Variants in VTI1A observed in about 807,000 individuals in gnomAD.
VTI1A encodes the protein vesicle transport through interaction with t-SNAREs homolog 1A.
Under a neutral mutation model 34.9 loss-of-function variants are expected in VTI1A, and 22 were observed. The ratio of observed to expected loss-of-function variants is 0.63; its 90% CI spans 0.45 to 0.90. VTI1A has a LOEUF of 0.90. VTI1A is among the 40% of genes least tolerant of loss of function. The pLI, the probability that VTI1A is intolerant of heterozygous loss-of-function variation, is 0.00. For synonymous variants in VTI1A, 87 were observed against 97.3 expected, an observed-to-expected ratio of 0.89 and a Z score of 0.62; for missense variants, 268 against 275.6, an observed-to-expected ratio of 0.97 and a Z score of 0.20.
At chr10:112,701,096 G>A (rs2133900269) in intron 7 of VTI1A, among the ~76,000 whole-genome samples, 1 of 152,304 alleles carries the variant, frequency 6.6e-6, no homozygotes, top group South Asian at 2.1e-4. Context: ...TATATAATGA[G>A]GGATACCCTT....
intron 7 of VTI1A, among the ~76,000 whole-genome samples, chr10:112,776,859 G>A (rs968073799): frequency 6.6e-6 from 1 of 151,834 alleles, no homozygotes; most frequent in African/African-American, 2.4e-5. Flanking sequence ...TGTATTTTTA[G>A]TATAGACGGG....
chr10:112,553,352 A>G (rs916840874), intron 5 of VTI1A, among the ~76,000 whole-genome samples: 28 of 152,242 alleles, frequency 1.8e-4, no homozygotes, highest in African/African-American at 6.0e-4. Context: ...TCAAATGTAT[A>G]AAAATCCTTG....
In VTI1A at chr10:112,705,203, C is replaced by T. The variant is rs114755996; in HGVS notation, c.560+36205C>T. Among the ~76,000 whole-genome samples, 746 of 152,180 alleles carry T rather than the reference C, an allele frequency of 4.9e-3. 6 individuals carry two copies. Among genetic ancestry groups the T allele is most frequent in the African/African-American group, 0.017 (716 of 41,520 alleles). On this transcript the variant is annotated intron_variant, in intron 7 of 7. Coordinates refer to ENST00000393077, the MANE Select transcript of VTI1A (RefSeq NM_145206.4). The stretch of plus-strand genomic sequence containing the variant: ...AGTCATAAGCCACTGTGCCCAGCCC[C>T]TCTATTTTAGAATTTGAATTGGTCA...
intron 7 of VTI1A, among the ~76,000 whole-genome samples, chr10:112,789,973 G>T: frequency 4.9e-5 from 7 of 141,466 alleles, no homozygotes; most frequent in African/African-American, 1.0e-4. Context: ...TTTGGTGGTT[G>T]TTATCATGTC....
rs575875540 is a variant in VTI1A at position 112,793,173 on chromosome 10, G to A, written c.561-22117G>A. Among the ~76,000 whole-genome samples, 25 of 152,300 alleles carry A rather than the reference G, an allele frequency of 1.6e-4. No homozygotes were observed. The South Asian group carries it at 2.5e-3, about 15-fold the overall frequency. Reference sequence around the variant, plus strand: ...GAGTAAGCGGATTATTTCAGACAGCGTTAGGAGGTAACCGGAGGAAGATTA... The same window carrying A: ...GAGTAAGCGGATTATTTCAGACAGCATTAGGAGGTAACCGGAGGAAGATTA... On this transcript the variant is annotated intron_variant, in intron 7 of 7. Transcript: ENST00000393077.
chr10:112,812,977 T>C (rs1281480580), intron 7 of VTI1A, among the ~76,000 whole-genome samples: 2 of 152,220 alleles, frequency 1.3e-5, no homozygotes, highest in African/African-American at 2.4e-5. Flanking sequence ...GAATGGAAGA[T>C]TACAGTTACC....
At chr10:112,754,099 CAAG>C (rs1851197719) in intron 7 of VTI1A, among the ~76,000 whole-genome samples, 1 of 152,138 alleles carries the variant, frequency 6.6e-6, no homozygotes, top group African/African-American at 2.4e-5. Context: ...TCTGCAAAAA[CAAG>C]AAAACTTTGG....
At chr10:112,622,082 A>G (rs541898132) in intron 5 of VTI1A, among the ~76,000 whole-genome samples, 44 of 152,286 alleles carry the variant, frequency 2.9e-4, no homozygotes, top group Admixed American at 1.6e-3. Context: ...GCTTGCCAAG[A>G]AACACTTAAG....
chr10:112,484,547 C>G lies in VTI1A; in HGVS notation c.264+19890C>G, dbSNP rs181300695. ...TTCACCTTGACACTTATATTTGTAACCTGTATCAACTTACACACTGTTTCC... is the reference window on the plus strand; with the variant it reads ...TTCACCTTGACACTTATATTTGTAAGCTGTATCAACTTACACACTGTTTCC... On this transcript the variant is annotated intron_variant, in intron 3 of 7. Coordinates refer to ENST00000393077, the MANE Select transcript of VTI1A (RefSeq NM_145206.4). Among the ~76,000 whole-genome samples, 1,075 of 152,246 alleles carry G rather than the reference C, an allele frequency of 7.1e-3. 14 individuals carry two copies. The highest frequency in any genetic ancestry group is 0.025 in the African/African-American group (1,035 of 41,530).
chr10:112,683,738 G>C (rs1056932234), intron 7 of VTI1A, among the ~76,000 whole-genome samples: 1 of 152,024 alleles, frequency 6.6e-6, no homozygotes, highest in African/African-American at 2.4e-5. Context: ...AATAACAAAG[G>C]ATTTTTAAAA....
At chr10:112,535,142 G>C (rs1850575510) in intron 4 of VTI1A, among the ~76,000 whole-genome samples, 1 of 152,004 alleles carries the variant, frequency 6.6e-6, no homozygotes, top group African/African-American at 2.4e-5. Flanking sequence ...TATGCCTGTA[G>C]CAGCAGTTTC....
the VTI1A span, among the ~76,000 whole-genome samples, chr10:112,845,958 C>A: frequency 6.6e-6 from 1 of 152,124 alleles, no homozygotes; most frequent in Admixed American, 6.5e-5. Context: ...GCGGAGGTTG[C>A]AGTGAGCCAA....
chr10:112,484,933 CTTTG>C (rs1848569240), intron 3 of VTI1A: 1 of 151,566 alleles, frequency 6.6e-6, no homozygotes, highest in African/African-American at 2.4e-5. Flanking sequence ...TAAGTGTTTT[CTTTG>C]TTCTGACTTC....
At chr10:112,544,161 G>A (rs1850982438) in intron 5 of VTI1A, among the ~76,000 whole-genome samples, 1 of 152,164 alleles carries the variant, frequency 6.6e-6, no homozygotes, top group Admixed American at 6.5e-5. Flanking sequence ...TGGCAATGCG[G>A]GCTCTTTTTT....
rs1272710535 is a variant in VTI1A at position 112,804,967 on chromosome 10, C to G, written c.561-10323C>G. Among the ~76,000 whole-genome samples, 3 of 146,034 alleles carry G rather than the reference C, an allele frequency of 2.1e-5. No homozygotes were observed. In the South Asian group the frequency reaches 6.6e-4, roughly 32 times the overall value. On this transcript the variant is annotated intron_variant, in intron 7 of 7. Transcript: ENST00000393077. ...CCTTGAACTCCTGGGCTTAAGCAAT[C>G]CTCCCGTCTCAGCCTCCAGAGTAGC...
At position 112,817,865 on chromosome 10, in the gene VTI1A, A is replaced by T. The variant is rs892459877; in HGVS notation, c.*2482A>T. The T allele has an allele frequency of 5.1e-5, 12 of 233,186 alleles. No homozygotes were observed. The highest frequency in any genetic ancestry group is 2.4e-4 in the African/African-American group (11 of 45,332). The allele number at this position is 233,186 out of a possible 1,614,324, so 14.4% of individuals were successfully genotyped here. On this transcript the variant is annotated 3_prime_UTR_variant, in exon 8 of 8. Transcript: ENST00000393077. ...GTTTAAGGGAGTGGTTGGGGGGAAGATGAAGGCATGGAGGAGGAAGAAGAG... is the reference window on the plus strand; with the variant it reads ...GTTTAAGGGAGTGGTTGGGGGGAAGTTGAAGGCATGGAGGAGGAAGAAGAG...
At chr10:112,703,851 T>C (rs907172695) in intron 7 of VTI1A, among the ~76,000 whole-genome samples, 3 of 152,202 alleles carry the variant, frequency 2.0e-5, no homozygotes, top group Non-Finnish European at 4.4e-5. Flanking sequence ...AGCTAAAAAA[T>C]AGCTTGCCAA....
chr10:112,524,238 A>G (rs572773056), intron 3 of VTI1A, among the ~76,000 whole-genome samples: 99 of 152,214 alleles, frequency 6.5e-4, no homozygotes, highest in African/African-American at 2.1e-3. Flanking sequence ...GAAAATACCA[A>G]TGTTGGGCAT....
chr10:112,652,601 C>G (rs1433392173), intron 5 of VTI1A, among the ~76,000 whole-genome samples: 1 of 151,930 alleles, frequency 6.6e-6, no homozygotes, highest in Non-Finnish European at 1.5e-5. Flanking sequence ...GTGGCATTCA[C>G]TTGTGGTCCC....
Sources: allele counts gnomAD v4.1 joint callset (sites outside exome capture counted in the v4.1 genomes callset), GRCh38; gene constraint gnomAD v4.1.1; transcripts MANE v1.5; gene names NCBI Gene and HGNC (gene_info 2026-07-23, HGNC 2026-07-21).